The following SPART variants were observed in gnomAD, a reference collection of about 807,000 sequenced individuals.
SPART encodes spastic paraplegia 20 (Troyer syndrome).
In SPART, 35 loss-of-function variants were observed where a neutral mutation model predicts 58.7. The ratio of observed to expected loss-of-function variants is 0.60; its 90% CI spans 0.46 to 0.79. The LOEUF (loss-of-function observed/expected upper bound fraction) is 0.79. Among genes scored for constraint, SPART ranks in the 30% least tolerant of loss-of-function variants. The probability of loss-of-function intolerance (pLI) is 0.00; values close to 1 mark genes in which losing one functional copy is unlikely to be tolerated. For missense variants in SPART, 730 were observed against 786.1 expected (o/e 0.93, Z 0.85); for synonymous variants, 284 against 280.7 (o/e 1.01, Z -0.12).
upstream of SPART, among the ~76,000 whole-genome samples, chr13:36,349,337 A>C (rs1309063218): frequency 2.0e-5 from 3 of 152,230 alleles, no homozygotes; most frequent in Non-Finnish European, 4.4e-5. Context: ...ATGTTCACAG[A>C]AGCTTCCACG....
At position 36,358,620 on chromosome 13, in the gene SPART, T is replaced by C. The variant is rs114184908; in HGVS notation, c.-3+11469A>G. On this transcript the variant is annotated intron_variant, in intron 1 of 8. Transcript: ENST00000355182. ...TCCAAAATATTTCCTTAGTTTAATT[T>C]ATATGTAGAGAAGTCCCTGTAGTGT... Among the ~76,000 whole-genome samples the C allele has an allele frequency of 7.2e-3, 1,090 of 152,316 alleles. 18 individuals carry two copies. Among genetic ancestry groups the C allele is most frequent in the African/African-American group, 0.025 (1,047 of 41,560 alleles).
chr13:36,353,598 T>A (rs746183792), intron 1 of SPART, among the ~76,000 whole-genome samples: 3 of 152,170 alleles, frequency 2.0e-5, no homozygotes, highest in Non-Finnish European at 4.4e-5. Context: ...TATAAGGAAC[T>A]GGGCTTTGCT....
At chr13:36,366,132 G>C (rs1041138) in intron 1 of SPART, among the ~76,000 whole-genome samples, 1 of 152,096 alleles carries the variant, frequency 6.6e-6, no homozygotes, top group Admixed American at 6.5e-5. Flanking sequence ...ATCTAAATAC[G>C]TTAGAAAGGA....
In SPART at chr13:36,304,629, G is replaced by C; in HGVS notation, c.1737C>G (p.Tyr579Ter). 6.2e-7 allele frequency: 1 copy of C among 1,613,610 alleles called. No individual in the cohort carries two copies. Among genetic ancestry groups the C allele is most frequent in the Non-Finnish European group, 8.5e-7 (1 of 1,179,786 alleles). Residue 579 changes from tyrosine to a stop codon, truncating the protein, a stop_gained, in exon 9 of 9, where the codon TAC becomes TAG. Transcript: ENST00000438666. LOFTEE classifies it high-confidence loss of function. Reference sequence around the variant, plus strand: ...GGGTAGCTTCTCCTGCATTATATCCGTATCTTTAAAAGAAAGATTAGAGGA... The same window carrying C: ...GGGTAGCTTCTCCTGCATTATATCCCTATCTTTAAAAGAAAGATTAGAGGA... Reference protein sequence around the residue: ...AETVQTVRYKYGYNAGEATHH... With the variant: ...AETVQTVRYK
chr13:36,357,624 A>T (rs1885674773), intron 1 of SPART, among the ~76,000 whole-genome samples: 1 of 152,262 alleles, frequency 6.6e-6, no homozygotes, highest in African/African-American at 2.4e-5. Flanking sequence ...AAAGTGGTTA[A>T]GAATTATGCA....
At chr13:36,351,273 C>T (rs1206572149), upstream of SPART, among the ~76,000 whole-genome samples, 6 of 150,832 alleles carry the variant, frequency 4.0e-5, no homozygotes, top group African/African-American at 9.8e-5. Context: ...AGTTCAAGAC[C>T]ACCCTGGGCA....
chr13:36,309,967 C>A (rs932620603), intron 8 of SPART, among the ~76,000 whole-genome samples: 1 of 152,132 alleles, frequency 6.6e-6, no homozygotes, highest in Non-Finnish European at 1.5e-5. Flanking sequence ...ATGCCCCAGA[C>A]GGAGCAGATC....
intron 4 of SPART, 37 bp downstream of exon 4, chr13:36,329,325 A>G: frequency 6.2e-7 from 1 of 1,610,024 alleles, no homozygotes; most frequent in South Asian, 1.1e-5. Context: ...AGGTACCATT[A>G]GAAGACAACA....
intron 5 of SPART, among the ~76,000 whole-genome samples, chr13:36,316,233 C>G (rs1364718603): frequency 6.6e-6 from 1 of 152,202 alleles, no homozygotes; most frequent in East Asian, 1.9e-4. Flanking sequence ...ACACTGTCCA[C>G]TTTTACTGAA....
intron 2 of SPART, 126 bp from the exon 3 acceptor site, chr13:36,331,722 A>G: frequency 1.4e-6 from 1 of 715,176 alleles, no homozygotes; most frequent in Non-Finnish European, 2.3e-6. Flanking sequence ...ATATTTTAAA[A>G]GGCTTTAAGA....
chr13:36,358,652 A>G (rs902479568), intron 1 of SPART, among the ~76,000 whole-genome samples: 6 of 152,230 alleles, frequency 3.9e-5, no homozygotes, highest in Non-Finnish European at 8.8e-5. Flanking sequence ...GTGTCAGATC[A>G]CAGCATAGCT....
At chr13:36,326,159 A>G (rs1882908905) in intron 5 of SPART, 1 of 241,254 alleles carries the variant, frequency 4.1e-6, no homozygotes, top group Non-Finnish European at 8.2e-6. Flanking sequence ...CAAAGGCCCC[A>G]CCTCCTAAAA....
At chr13:36,344,480 G>A (rs148841647) in intron 1 of SPART, among the ~76,000 whole-genome samples, 3 of 152,146 alleles carry the variant, frequency 2.0e-5, no homozygotes, top group Non-Finnish European at 2.9e-5. Flanking sequence ...GGATACACGA[G>A]AGAAGAGCCT....
upstream of SPART, among the ~76,000 whole-genome samples, chr13:36,347,670 A>G (rs1885232783): frequency 6.6e-6 from 1 of 152,072 alleles, no homozygotes; most frequent in Non-Finnish European, 1.5e-5. Context: ...TTGCTCTTAT[A>G]CCCCCAAAGG....
rs200506489 is a variant in SPART, at chr13:36,325,160, AC to A, written c.1288+1414del. 5.3e-4 allele frequency among the ~76,000 whole-genome samples: 80 copies of A among 152,228 alleles called. 2 individuals carry two copies. The East Asian group carries it at 0.014, about 26-fold the overall frequency. On this transcript the variant is annotated intron_variant, in intron 5 of 8. Coordinates refer to ENST00000438666, the MANE Select transcript of SPART (RefSeq NM_015087.5). ...TAAATTCCAAAAACTTGGGAAAACG[AC>A]CTTTGAATTTAGTGTGTTGGGGTAA... is the stretch of plus-strand genomic sequence containing the variant.
At chr13:36,313,419 T>C (rs1881330400) in intron 6 of SPART, among the ~76,000 whole-genome samples, 1 of 152,208 alleles carries the variant, frequency 6.6e-6, no homozygotes, top group African/African-American at 2.4e-5. Flanking sequence ...AAAATAAATT[T>C]AGTGTGGCCC....
chr13:36,325,809 T>A (rs1462758019), intron 5 of SPART: 1 of 152,260 alleles, frequency 6.6e-6, no homozygotes, highest in Non-Finnish European at 1.5e-5. Flanking sequence ...CATTGCTGTA[T>A]AGTTTATACA....
intron 1 of SPART, among the ~76,000 whole-genome samples, chr13:36,351,910 A>G (rs1885425877): frequency 6.6e-6 from 1 of 152,224 alleles, no homozygotes; most frequent in African/African-American, 2.4e-5. Flanking sequence ...AATGATGAAT[A>G]TCATTAAAAT....
chr13:36,311,652 A>C (rs1355461106), intron 8 of SPART, among the ~76,000 whole-genome samples: 2 of 152,236 alleles, frequency 1.3e-5, no homozygotes, highest in African/African-American at 4.8e-5. Context: ...TAGTAACATA[A>C]AGCAAAGTGA....
Sources: allele counts gnomAD v4.1 joint callset (sites outside exome capture counted in the v4.1 genomes callset), GRCh38; gene constraint gnomAD v4.1.1; transcripts MANE v1.5; gene names NCBI Gene and HGNC (gene_info 2026-07-23, HGNC 2026-07-21).